Variants in CREB3L1 observed in about 807,000 individuals in gnomAD.
CREB3L1 encodes the protein cAMP responsive element binding protein 3 like 1.
CREB3L1 carries 33 observed loss-of-function variants against 54.5 expected under a neutral mutation model. That is an observed-to-expected ratio of 0.61 (90% CI 0.46 to 0.81). The LOEUF is 0.81. Ranked by LOEUF, CREB3L1 falls within the 30% of genes least tolerant of loss-of-function variation. CREB3L1 has a pLI of 0.00. For synonymous variants in CREB3L1, 284 were observed against 286.4 expected (o/e 0.99, Z 0.08); for missense variants, 656 against 673.3 (o/e 0.97, Z 0.29).
rs111729825 is a variant in CREB3L1 at position 46,319,862 on chromosome 11, G to A, written c.1259-402G>A. On this transcript the variant is annotated intron_variant, in intron 10 of 11. Coordinates refer to ENST00000621158, the MANE Select transcript of CREB3L1 (RefSeq NM_052854.4). ...CCATTGCACTCCAGCCTGGGCGACA[G>A]AGCAAGACTCTGTCTCAAAAAAAAA... 1.6e-3 allele frequency among the ~76,000 whole-genome samples: 231 copies of A among 146,886 alleles called. 1 individual carries two copies. Among genetic ancestry groups the A allele is most frequent in the African/African-American group, 5.8e-3 (223 of 38,278 alleles).
rs553782393 is a variant in CREB3L1, at chr11:46,308,158, G to C, written c.516+158G>C. 2.5e-4 allele frequency among the ~76,000 whole-genome samples: 36 copies of C among 144,330 alleles called. No individual in the cohort carries two copies. The South Asian group carries it at 4.7e-3, about 19-fold the overall frequency. The allele number at this position is 144,330 out of a possible 152,430, so 94.7% of individuals were successfully genotyped here. A position where few individuals can be genotyped will look rare whatever the true frequency, so the allele number is the denominator to read the frequency against. On this transcript the variant is annotated intron_variant, in intron 3 of 11. Transcript: ENST00000621158. ...AAGCCCCCGCCCAGCCCAGGCCTCC[G>C]CCTACCCCCCTGGCTGCCCCCTCAC... is the stretch of plus-strand genomic sequence containing the variant.
chr11:46,281,293 G>A (rs1435401476), intron 1 of CREB3L1, among the ~76,000 whole-genome samples: 2 of 152,166 alleles, frequency 1.3e-5, no homozygotes, highest in African/African-American at 4.8e-5. Flanking sequence ...TGAGAGAGAG[G>A]GTCTGGGCTC....
chr11:46,280,192 T>G (rs1288086698), intron 1 of CREB3L1, among the ~76,000 whole-genome samples: 2 of 143,024 alleles, frequency 1.4e-5, no homozygotes, highest in African/African-American at 5.4e-5. Context: ...TGTTTTTTGT[T>G]TTTTGTTTTT....
At chr11:46,280,975 A>G (rs181174069) in intron 1 of CREB3L1, among the ~76,000 whole-genome samples, 2 of 152,344 alleles carry the variant, frequency 1.3e-5, no homozygotes, top group Admixed American at 6.5e-5. Context: ...AAAATGCAAA[A>G]TGTATGCTCA....
intron 2 of CREB3L1, among the ~76,000 whole-genome samples, chr11:46,306,906 C>T (rs1476868745): frequency 6.6e-6 from 1 of 150,532 alleles, no homozygotes; most frequent in Non-Finnish European, 1.5e-5. Context: ...GACAGAGTCT[C>T]ACTCTTGCCC....
intron 1 of CREB3L1, 55 bp from the exon 2 acceptor site, chr11:46,299,880 C>G: frequency 2.2e-6 from 3 of 1,358,782 alleles, no homozygotes; most frequent in Non-Finnish European, 3.1e-6. Context: ...AGCACCTGCA[C>G]CCCCTTCCCA....
intron 2 of CREB3L1, among the ~76,000 whole-genome samples, chr11:46,303,748 C>A (rs926674299): frequency 1.3e-5 from 2 of 151,988 alleles, no homozygotes; most frequent in Admixed American, 1.3e-4. Flanking sequence ...CACCTATAAT[C>A]CCGGCACTTT....
At position 46,317,350 on chromosome 11, in the gene CREB3L1, T is replaced by A. The variant is rs1224958005; in HGVS notation, c.1132-11T>A. 6.2e-7 allele frequency: 1 copy of A among 1,613,912 alleles called. No homozygotes were observed. Among genetic ancestry groups the A allele is most frequent in the Non-Finnish European group, 8.5e-7 (1 of 1,179,834 alleles). On this transcript the variant is annotated splice_polypyrimidine_tract_variant and intron_variant, in intron 9 of 11. Coordinates refer to ENST00000621158, the MANE Select transcript of CREB3L1 (RefSeq NM_052854.4). ...ACCCCAGATCTGATGCCACTCTCTC[T>A]TTGCTACCAGGTGGCAGCCTTGTGC...
At chr11:46,316,998 A>G (rs573560677) in intron 9 of CREB3L1, among the ~76,000 whole-genome samples, 6 of 152,246 alleles carry the variant, frequency 3.9e-5, no homozygotes, top group African/African-American at 1.2e-4. Context: ...TCCTGCTGAG[A>G]ACGTGATGTG....
rs1938894688 is a variant in CREB3L1 at position 46,277,769 on chromosome 11, CCCTGTCCGGGGGGCT to C, written c.-338_-324del. 1 of 251,534 alleles carries C rather than the reference CCCTGTCCGGGGGGCT, an allele frequency of 4.0e-6. No individual in the cohort carries two copies. The highest frequency in any genetic ancestry group is 7.6e-6 in the Non-Finnish European group (1 of 131,314). 15.6% of individuals were successfully genotyped at this position (251,534 alleles called of 1,614,324 possible). ...CTTAGCTCCCCCGCCCCGGCTCCCA[CCCTGTCCGGGGGGCT>C]CCTGAAGCCCTCAGCCCCAACCCCG... On this transcript the variant is annotated 5_prime_UTR_variant, in exon 1 of 12. Transcript: ENST00000621158.
Position 46,312,778 on chromosome 11 carries a change from T to TG in CREB3L1, c.963-71dup, listed in dbSNP as rs1159118149. ...GCAGGGGGCACAGGGAGTGTGATGG[T>TG]GGTGGGCTGGGCCGAGGAGCTGTTG... On this transcript the variant is annotated intron_variant, in intron 7 of 11. Transcript: ENST00000621158. The TG allele has an allele frequency of 1.9e-6, 3 of 1,544,610 alleles. No individual in the cohort carries two copies. The African/African-American group carries it at 4.1e-5, about 21-fold the overall frequency.
intron 10 of CREB3L1, among the ~76,000 whole-genome samples, chr11:46,318,396 A>G (rs1939598917): frequency 6.6e-6 from 1 of 152,196 alleles, no homozygotes; most frequent in Non-Finnish European, 1.5e-5. Flanking sequence ...TGTCAAGTCC[A>G]TCGTAACTGG....
intron 2 of CREB3L1, among the ~76,000 whole-genome samples, chr11:46,300,551 G>C (rs867952086): frequency 2.0e-5 from 3 of 152,242 alleles, no homozygotes; most frequent in Non-Finnish European, 4.4e-5. Flanking sequence ...CGCTGACTTA[G>C]AGGAGACAGT....
At chr11:46,307,729 C>G in intron 2 of CREB3L1, 87 bp from the exon 3 acceptor site, 1 of 1,173,360 alleles carries the variant, frequency 8.5e-7, no homozygotes, top group Non-Finnish European at 1.2e-6. Context: ...CAGCTCTCTT[C>G]AGTTCAGCCT....
At chr11:46,285,951 TG>T (rs1354983875) in intron 1 of CREB3L1, among the ~76,000 whole-genome samples, 2 of 152,238 alleles carry the variant, frequency 1.3e-5, no homozygotes, top group Non-Finnish European at 2.9e-5. Context: ...CAGACAGGTC[TG>T]AGCCTTTGCC....
At chr11:46,290,925 C>T (rs1374066908) in intron 1 of CREB3L1, among the ~76,000 whole-genome samples, 1 of 152,138 alleles carries the variant, frequency 6.6e-6, no homozygotes, top group Non-Finnish European at 1.5e-5. Flanking sequence ...CAGGACCCAG[C>T]ACTCCCCGCT....
rs895985040 is a variant in CREB3L1, at chr11:46,278,215, T to A, written c.102+2T>A. The A allele has an allele frequency of 6.4e-7, 1 of 1,551,932 alleles. No individual in the cohort carries two copies. The highest frequency in any genetic ancestry group is 8.7e-7 in the Non-Finnish European group (1 of 1,145,284). ...GAGTCGGACTTCCTCAACAATGCGGTAAGATGAAGGGTCTCCGTTCCCGTT... is the reference window on the plus strand; with the variant it reads ...GAGTCGGACTTCCTCAACAATGCGGAAAGATGAAGGGTCTCCGTTCCCGTT... On this transcript the variant is annotated splice_donor_variant, in intron 1 of 11. Transcript: ENST00000621158. LOFTEE classifies it high-confidence loss of function. The surrounding 1 kb of genome is among the most constrained non-coding windows in gnomAD (Gnocchi z 4.2).
At chr11:46,290,820 TC>T (rs1939119895) in intron 1 of CREB3L1, among the ~76,000 whole-genome samples, 1 of 151,910 alleles carries the variant, frequency 6.6e-6, no homozygotes, top group African/African-American at 2.4e-5. Flanking sequence ...AGGTGGTAGT[TC>T]CCAGCTCAGC....
At chr11:46,296,458 A>G (rs1415626353) in intron 1 of CREB3L1, among the ~76,000 whole-genome samples, 6 of 151,880 alleles carry the variant, frequency 4.0e-5, no homozygotes, top group Non-Finnish European at 8.8e-5. Context: ...AGTTTTCTCT[A>G]CTAAGAAATA....
Sources: gnomAD v4.1 joint callset for allele counts (sites outside exome capture counted in the v4.1 genomes callset) on GRCh38, gnomAD v4.1.1 for gene constraint, Gnocchi (gnomAD v3.1) non-coding constraint, MANE v1.5 for transcripts, NCBI Gene and HGNC (gene_info 2026-07-23, HGNC 2026-07-21) for gene names.